Variants in GRIN2B observed in about 807,000 individuals in gnomAD.
The protein encoded by GRIN2B is glutamate receptor ionotropic, NMDA 2B.
Under a neutral mutation model 114.5 loss-of-function variants are expected in GRIN2B, and 5 were observed. The ratio of observed to expected loss-of-function variants is 0.04; its 90% confidence interval spans 0.02 to 0.09. The LOEUF (loss-of-function observed/expected upper bound fraction) is 0.09, where lower values mean the gene tolerates loss of function less well. Ranked by LOEUF, GRIN2B falls within the 10% of genes least tolerant of loss-of-function variation. The pLI is 1.00. For synonymous variants in GRIN2B, 787 were observed against 745.1 expected, an observed-to-expected ratio of 1.06 and a Z score of -0.92; for missense variants, 1,108 against 1,943.5, an observed-to-expected ratio of 0.57 and a Z score of 8.08.
intron 2 of GRIN2B, among the ~76,000 whole-genome samples, chr12:13,886,076 T>C (rs984663588): frequency 8.5e-5 from 13 of 152,182 alleles, no homozygotes; most frequent in African/African-American, 3.1e-4. Flanking sequence ...CCCAACCCAA[T>C]GCACCAAGTA....
intron 2 of GRIN2B, among the ~76,000 whole-genome samples, chr12:13,899,532 T>A (rs770593574): frequency 7.0e-6 from 1 of 143,756 alleles, no homozygotes; most frequent in Non-Finnish European, 1.6e-5. Context: ...GCATTTTTGT[T>A]AGGCACACAG....
Position 13,764,206 on chromosome 12 carries a change from T to C in GRIN2B, c.412-10291A>G, listed in dbSNP as rs1396621542. 3.3e-5 allele frequency among the ~76,000 whole-genome samples: 5 copies of C among 150,688 alleles called. No homozygotes were observed. The East Asian group carries it at 9.7e-4, about 29-fold the overall frequency. ...ACCAAAAAAAAAAAAAAAAAGGATA[T>C]TAGTTTAGAACGTACAGAATGCTAA... On this transcript the variant is annotated intron_variant, in intron 3 of 13. Coordinates refer to ENST00000609686, the MANE Select transcript of GRIN2B (RefSeq NM_000834.5).
chr12:13,945,151 C>T (rs1285096583), intron 2 of GRIN2B, among the ~76,000 whole-genome samples: 1 of 152,106 alleles, frequency 6.6e-6, no homozygotes, highest in East Asian at 1.9e-4. Context: ...AGGGTCTAAA[C>T]AAATTGTGGC....
At chr12:13,704,034 G>C (rs1950336672) in intron 4 of GRIN2B, among the ~76,000 whole-genome samples, 1 of 152,184 alleles carries the variant, frequency 6.6e-6, no homozygotes, top group Admixed American at 6.5e-5. Context: ...GGATAGCAGA[G>C]GAGTTCTGAA....
At chr12:13,962,458 T>C (rs781733666) in intron 2 of GRIN2B, among the ~76,000 whole-genome samples, 6 of 152,222 alleles carry the variant, frequency 3.9e-5, no homozygotes, top group Non-Finnish European at 7.3e-5. Context: ...AAAGTAACCC[T>C]GAATTGCCTA....
chr12:13,646,769 T>C (rs563317805), intron 5 of GRIN2B, among the ~76,000 whole-genome samples: 1 of 152,198 alleles, frequency 6.6e-6, no homozygotes, highest in Non-Finnish European at 1.5e-5. Context: ...GCTCAGACTA[T>C]CCTCCTGCCT....
intron 3 of GRIN2B, among the ~76,000 whole-genome samples, chr12:13,860,683 T>C (rs111357667): frequency 2.0e-5 from 3 of 152,224 alleles, no homozygotes; most frequent in East Asian, 1.9e-4. Flanking sequence ...GTAAGAATAT[T>C]TTTGCATGTC....
At chr12:13,813,773 T>G (rs932844783) in intron 3 of GRIN2B, among the ~76,000 whole-genome samples, 1 of 152,246 alleles carries the variant, frequency 6.6e-6, no homozygotes, top group African/African-American at 2.4e-5. Flanking sequence ...ATTCCTTTTT[T>G]GAATTGAGTC....
At chr12:13,680,404 G>A (rs1950116812) in intron 4 of GRIN2B, among the ~76,000 whole-genome samples, 1 of 151,094 alleles carries the variant, frequency 6.6e-6, no homozygotes, top group Non-Finnish European at 1.5e-5. Context: ...TTCTGCCCAT[G>A]AGACTCAAAT....
intron 5 of GRIN2B, among the ~76,000 whole-genome samples, chr12:13,648,160 G>T (rs995457767): frequency 6.6e-6 from 1 of 151,966 alleles, no homozygotes; most frequent in African/African-American, 2.4e-5. Context: ...GAGCACATAC[G>T]GAGTAGTATA....
In GRIN2B at chr12:13,539,433, G is replaced by A. The variant is rs1241543461; in HGVS notation, c.*23350C>T. 1 of 152,234 alleles carries A rather than the reference G, an allele frequency of 6.6e-6. No homozygotes were observed. Among genetic ancestry groups the A allele is most frequent in the African/African-American group, 2.4e-5 (1 of 41,452 alleles). 9.4% of individuals were successfully genotyped at this position (152,234 alleles called of 1,614,324 possible). ...TCTATGCTATTTTCTTACCAAGATA[G>A]CTAAGGGGGAGATACTATTATTTAA... On this transcript the variant is annotated 3_prime_UTR_variant, in exon 14 of 14. Transcript: ENST00000609686.
chr12:13,896,331 T>C (rs961338168), intron 2 of GRIN2B, among the ~76,000 whole-genome samples: 20 of 152,128 alleles, frequency 1.3e-4, no homozygotes, highest in Non-Finnish European at 8.8e-5. Flanking sequence ...AGGATTGTAA[T>C]TAAAGATCAA....
At chr12:13,914,678 C>T (rs1162649006) in intron 2 of GRIN2B, among the ~76,000 whole-genome samples, 3 of 152,116 alleles carry the variant, frequency 2.0e-5, no homozygotes, top group Non-Finnish European at 4.4e-5. Context: ...CCTAAATGCC[C>T]TTCAATGGAT....
chr12:13,878,096 T>G (rs1055253999), intron 2 of GRIN2B, among the ~76,000 whole-genome samples: 1 of 150,500 alleles, frequency 6.6e-6, no homozygotes, highest in Non-Finnish European at 1.5e-5. Flanking sequence ...AAATCTACTG[T>G]CTACTCCGCT....
chr12:13,675,014 A>G (rs17760909), intron 5 of GRIN2B, among the ~76,000 whole-genome samples: 14,249 of 152,208 alleles, frequency 0.094, 826 homozygotes, highest in Middle Eastern at 0.24. Flanking sequence ...TACTCTCAGG[A>G]ATACTTGTAT....
chr12:13,802,090 C>A (rs753915388), intron 3 of GRIN2B, among the ~76,000 whole-genome samples: 3 of 152,060 alleles, frequency 2.0e-5, no homozygotes, highest in Non-Finnish European at 4.4e-5. Flanking sequence ...CTGAAGGAGT[C>A]TGAAGTCTAG....
chr12:13,729,050 A>C (rs1305213690), intron 4 of GRIN2B, among the ~76,000 whole-genome samples: 2 of 152,198 alleles, frequency 1.3e-5, no homozygotes, highest in Non-Finnish European at 2.9e-5. Context: ...ATTCTCACTT[A>C]CGGTATTGTG....
At chr12:13,681,687 T>A (rs1318049743) in intron 4 of GRIN2B, among the ~76,000 whole-genome samples, 1 of 152,178 alleles carries the variant, frequency 6.6e-6, no homozygotes, top group Non-Finnish European at 1.5e-5. Flanking sequence ...CTTTTCTTCT[T>A]TTTTAAACAT....
At chr12:13,657,513 G>A (rs1373685915) in intron 5 of GRIN2B, among the ~76,000 whole-genome samples, 1 of 152,220 alleles carries the variant, frequency 6.6e-6, no homozygotes, top group Non-Finnish European at 1.5e-5. Context: ...ACAAGCAGGT[G>A]TTTGGTGTTC....
Sources: gnomAD v4.1 joint callset for allele counts (sites outside exome capture counted in the v4.1 genomes callset) on GRCh38, gnomAD v4.1.1 for gene constraint, MANE v1.5 for transcripts, NCBI Gene and HGNC (gene_info 2026-07-23, HGNC 2026-07-21) for gene names.